The following GNA14 variants were observed in gnomAD, a reference collection of about 807,000 sequenced individuals.
GNA14 encodes guanine nucleotide-binding protein subunit alpha-14.
A neutral mutation model predicts 42.0 loss-of-function variants in GNA14; 50 were observed. The ratio of observed to expected loss-of-function variants is 1.19; its 90% CI spans 0.95 to 1.51. The LOEUF is 1.51. Ranked by LOEUF, GNA14 falls within the 40% of genes most tolerant of loss-of-function variation. The probability of loss-of-function intolerance (pLI) is 0.00; values close to 1 mark genes in which losing one functional copy is unlikely to be tolerated. For missense variants in GNA14, 473 were observed against 446.2 expected (o/e 1.06, Z -0.54); for synonymous variants, 173 against 163.1 (o/e 1.06, Z -0.46).
intron 1 of GNA14, among the ~76,000 whole-genome samples, chr9:77,596,744 C>G (rs746244240): frequency 3.3e-5 from 5 of 152,166 alleles, no homozygotes; most frequent in African/African-American, 4.8e-5. Flanking sequence ...AAGCTGCCTC[C>G]CATTCTATTC....
In GNA14 at chr9:77,504,609, G is replaced by A. The variant is rs572898185; in HGVS notation, c.309+24460C>T. On this transcript the variant is annotated intron_variant, in intron 2 of 6. Transcript: ENST00000341700. ...TTCATTCCAACTGGCTGCATCCTCCGTTGGGGAAGCCATGGACTCTGTTGA... is the reference window on the plus strand; with the variant it reads ...TTCATTCCAACTGGCTGCATCCTCCATTGGGGAAGCCATGGACTCTGTTGA... Among the ~76,000 whole-genome samples the A allele has an allele frequency of 2.0e-4, 29 of 146,600 alleles. No individual in the cohort carries two copies. The East Asian group carries it at 5.0e-3, about 25-fold the overall frequency.
chr9:77,644,426 C>G, intron 1 of GNA14, among the ~76,000 whole-genome samples: 1 of 93,356 alleles, frequency 1.1e-5, no homozygotes, highest in Non-Finnish European at 1.8e-5. Flanking sequence ...GAACTCCAAC[C>G]TAAAGAGTGT....
At chr9:77,506,345 C>G (rs1837068870) in intron 2 of GNA14, among the ~76,000 whole-genome samples, 1 of 150,148 alleles carries the variant, frequency 6.7e-6, no homozygotes, top group African/African-American at 2.4e-5. Flanking sequence ...GTCAATAGAT[C>G]CAAAACATCA....
At chr9:77,595,681 C>T (rs554277936) in intron 1 of GNA14, among the ~76,000 whole-genome samples, 1 of 152,208 alleles carries the variant, frequency 6.6e-6, no homozygotes. Flanking sequence ...CTACTCTCAA[C>T]TAACCCACGC....
chr9:77,641,619 C>T (rs1008013073), intron 1 of GNA14, among the ~76,000 whole-genome samples: 7 of 151,960 alleles, frequency 4.6e-5, no homozygotes, highest in African/African-American at 1.2e-4. Flanking sequence ...AATTCAGTGT[C>T]GTAGAAGCAA....
chr9:77,580,722 A>C, intron 1 of GNA14: 1 of 222,480 alleles, frequency 4.5e-6, no homozygotes, highest in Non-Finnish European at 9.9e-6. Context: ...TCATACACAA[A>C]TGAGCAGGGC....
intron 1 of GNA14, among the ~76,000 whole-genome samples, chr9:77,549,822 G>A (rs527875239): frequency 6.6e-5 from 10 of 152,212 alleles, no homozygotes; most frequent in African/African-American, 9.6e-5. Flanking sequence ...CCAAGGGACC[G>A]TGCCTATTTG....
At chr9:77,507,411 A>G (rs1241672459) in intron 2 of GNA14, among the ~76,000 whole-genome samples, 1 of 152,216 alleles carries the variant, frequency 6.6e-6, no homozygotes, top group East Asian at 1.9e-4. Context: ...CCTTTTAAAA[A>G]TAAATCAATC....
intron 1 of GNA14, among the ~76,000 whole-genome samples, chr9:77,597,073 A>C (rs994240743): frequency 6.6e-6 from 1 of 152,180 alleles, no homozygotes; most frequent in African/African-American, 2.4e-5. Context: ...AGCTTGGCAA[A>C]ATAAACTTTC....
At chr9:77,632,221 T>C (rs1489524110) in intron 1 of GNA14, among the ~76,000 whole-genome samples, 1 of 152,170 alleles carries the variant, frequency 6.6e-6, no homozygotes, top group East Asian at 1.9e-4. Flanking sequence ...AGGGGGGCAC[T>C]GAGGGAAGCT....
At chr9:77,444,734 A>C (rs1035674444) in intron 2 of GNA14, among the ~76,000 whole-genome samples, 4 of 151,862 alleles carry the variant, frequency 2.6e-5, no homozygotes, top group Non-Finnish European at 5.9e-5. Context: ...TGCACCTCAG[A>C]CTCCCTGACA....
intron 1 of GNA14, among the ~76,000 whole-genome samples, chr9:77,624,568 G>A (rs1010088153): frequency 1.3e-5 from 2 of 152,196 alleles, no homozygotes; most frequent in Admixed American, 1.3e-4. Context: ...AGCTTCCAGA[G>A]GAAAGAAGAA....
intron 1 of GNA14, among the ~76,000 whole-genome samples, chr9:77,636,168 T>C (rs751206889): frequency 2.0e-5 from 3 of 152,130 alleles, no homozygotes; most frequent in Non-Finnish European, 4.4e-5. Flanking sequence ...AATTACACAG[T>C]AGCTGAGCAA....
chr9:77,479,437 A>C (rs1192714350), intron 2 of GNA14, among the ~76,000 whole-genome samples: 1 of 152,248 alleles, frequency 6.6e-6, no homozygotes, highest in East Asian at 1.9e-4. Flanking sequence ...CTTGTAGTAT[A>C]GTTTGAAGTC....
At chr9:77,595,904 T>C (rs1294641663) in intron 1 of GNA14, among the ~76,000 whole-genome samples, 1 of 151,922 alleles carries the variant, frequency 6.6e-6, no homozygotes, top group African/African-American at 2.4e-5. Flanking sequence ...AAAAACAAGA[T>C]ATGAGTCCTT....
chr9:77,581,037 C>CACACA (rs375382462), intron 1 of GNA14, among the ~76,000 whole-genome samples: 1 of 137,054 alleles, frequency 7.3e-6, no homozygotes, highest in African/African-American at 2.8e-5. Context: ...CACACACACA[C>CACACA]AATAGTACCC....
At chr9:77,507,293 T>C (rs1017708531) in intron 2 of GNA14, among the ~76,000 whole-genome samples, 37 of 152,224 alleles carry the variant, frequency 2.4e-4, no homozygotes, top group Non-Finnish European at 4.0e-4. Flanking sequence ...ACCCAATTCC[T>C]ACATAAAAGT....
At chr9:77,467,000 G>GGTGTGGGT (rs1554689800) in intron 2 of GNA14, among the ~76,000 whole-genome samples, 3 of 143,506 alleles carry the variant, frequency 2.1e-5, no homozygotes, top group Non-Finnish European at 4.6e-5. Context: ...TTTACCACTC[G>GGTGTGGGT]GTGTGTGTGT....
Position 77,431,236 on chromosome 9 carries a change from C to T in GNA14, c.593+85G>A, listed in dbSNP as rs1024554246. The T allele has an allele frequency of 2.3e-5, 29 of 1,278,796 alleles. 1 individual carries two copies. Among genetic ancestry groups the T allele is most frequent in the African/African-American group, 1.2e-4 (8 of 68,272 alleles). 79.2% of individuals were successfully genotyped at this position (1,278,796 alleles called of 1,614,324 possible). A position where few individuals can be genotyped will look rare whatever the true frequency, so the allele number is the denominator to read the frequency against. On this transcript the variant is annotated intron_variant, in intron 4 of 6. Transcript: ENST00000341700. The stretch of plus-strand genomic sequence containing the variant: ...TCTGTCCTAAGAGATATAATCCCTG[C>T]TTAGGAATAACACGTTTAAGAATCC...
Sources: gnomAD v4.1 joint callset for allele counts (sites outside exome capture counted in the v4.1 genomes callset) on GRCh38, gnomAD v4.1.1 for gene constraint, MANE v1.5 for transcripts, NCBI Gene and HGNC (gene_info 2026-07-23, HGNC 2026-07-21) for gene names.